The following FRMD8 variants were observed in gnomAD, a reference collection of about 807,000 sequenced individuals.
FRMD8 encodes the protein FERM domain-containing protein 8.
A neutral mutation model predicts 54.2 loss-of-function variants in FRMD8; 37 were observed. That is an observed-to-expected ratio of 0.68 (90% CI 0.53 to 0.90). FRMD8 has a LOEUF of 0.90. Among genes scored for constraint, FRMD8 ranks in the 40% least tolerant of loss-of-function variants. The pLI is 0.00. For synonymous variants in FRMD8, 246 were observed against 286.9 expected (o/e 0.86, Z 1.44); for missense variants, 585 against 653.7 (o/e 0.89, Z 1.15).
chr11:65,397,391 G>A (rs1383891599), intron 7 of FRMD8, among the ~76,000 whole-genome samples: 11 of 152,194 alleles, frequency 7.2e-5, no homozygotes, highest in Admixed American at 1.3e-4. Context: ...CAGAGACACC[G>A]TGCCCCTGCC....
Position 65,394,428 on chromosome 11 carries a change from G to T in FRMD8, c.581+3G>T. The stretch of plus-strand genomic sequence containing the variant: ...CGGCCGGCAGCCTGCGACCTGAGGT[G>T]AGGGCCTGTGTGACTTGAGGCGGGG... On this transcript the variant is annotated splice_donor_region_variant and intron_variant, in intron 6 of 10. Coordinates refer to ENST00000317568, the MANE Select transcript of FRMD8 (RefSeq NM_031904.5). 1 of 1,564,320 alleles carries T rather than the reference G, an allele frequency of 6.4e-7. No homozygotes were observed.
At chr11:65,376,817 C>G in the FRMD8 span, 1 of 1,614,236 alleles carries the variant, frequency 6.2e-7, no homozygotes, top group Non-Finnish European at 8.5e-7. Context: ...ACTTTACTTA[C>G]TGGGATTCTG....
chr11:65,383,762 A>ACAAACAAAC (rs1388963355), upstream of FRMD8: 13 of 105,500 alleles, frequency 1.2e-4, no homozygotes, highest in African/African-American at 3.6e-4. Flanking sequence ...CGTCTCAAAA[A>ACAAACAAAC]AAAAAAACAA....
chr11:65,406,040 A>G (rs981318718), intron 10 of FRMD8, among the ~76,000 whole-genome samples: 10 of 151,416 alleles, frequency 6.6e-5, no homozygotes, highest in African/African-American at 9.7e-5. Context: ...TTAGTTAACT[A>G]TTTTTGAGAC....
rs1048178638 is a variant in FRMD8 at position 65,404,442 on chromosome 11, C to T, written c.1072-422C>T. On this transcript the variant is annotated intron_variant, in intron 9 of 10. Transcript: ENST00000317568. The surrounding 1 kb of genome is among the most constrained non-coding windows in gnomAD (Gnocchi z 4.7). ...AACGTGCTGGCAGGGAGCCGCCCGC[C>T]CCTGCCCTGGTGACATCGCGCCCCT... 5.3e-5 allele frequency among the ~76,000 whole-genome samples: 8 copies of T among 152,054 alleles called. No homozygotes were observed. Among genetic ancestry groups the T allele is most frequent in the Admixed American group, 2.0e-4 (3 of 15,270 alleles).
the FRMD8 span, among the ~76,000 whole-genome samples, chr11:65,371,339 T>C: frequency 6.6e-6 from 1 of 152,180 alleles, no homozygotes; most frequent in African/African-American, 2.4e-5. Context: ...TCTTCAGCTG[T>C]GGTCATTGCT....
chr11:65,374,329 T>TAGCCATGTGCCCAGGTGGAGCAGGGG, the FRMD8 span, among the ~76,000 whole-genome samples: 1 of 145,654 alleles, frequency 6.9e-6, no homozygotes, highest in Non-Finnish European at 1.5e-5. Context: ...TGGAGCAGGG[T>TAGCCATGTGCCCAGGTGGAGCAGGGG]AGCCATGTGC....
intron 2 of FRMD8, among the ~76,000 whole-genome samples, chr11:65,388,632 A>C: frequency 6.6e-6 from 1 of 152,118 alleles, no homozygotes; most frequent in East Asian, 1.9e-4. Flanking sequence ...TTGCTCTTCC[A>C]GGTGTCTCCA....
rs552534604 is a variant in FRMD8 at position 65,408,597 on chromosome 11, C to T, written c.1277-2645C>T. Among the ~76,000 whole-genome samples, 177 of 151,850 alleles carry T rather than the reference C, an allele frequency of 1.2e-3. 1 individual carries two copies. The highest frequency in any genetic ancestry group is 2.1e-3 in the South Asian group (10 of 4,816). ...CTCAGGATACTTTCCTAGAAATGGC[C>T]TTGCTAATGTAAAAGTGTGCAGATT... On this transcript the variant is annotated intron_variant, in intron 10 of 10. Transcript: ENST00000317568.
chr11:65,409,358 A>T (rs944489169), intron 10 of FRMD8, among the ~76,000 whole-genome samples: 1 of 151,968 alleles, frequency 6.6e-6, no homozygotes, highest in African/African-American at 2.4e-5. Flanking sequence ...AAGTGCTAGG[A>T]TTACAGGAAT....
rs765779948 is a variant in FRMD8 at position 65,405,034 on chromosome 11, C to A, written c.1242C>A (p.Ile414=). The change falls in exon 10 of 11, where the codon ATC becomes ATA. Residue 414 remains isoleucine (I), a synonymous_variant. Coordinates refer to ENST00000317568, the MANE Select transcript of FRMD8 (RefSeq NM_031904.5). The stretch of plus-strand genomic sequence containing the variant: ...AGGGCAGTGTGGTGTCCAGCCGGAT[C>A]CAGCATCTCTCCACCATCGACTACG... The part of the protein sequence containing the change: ...RRQGSVVSSR[I]QHLSTIDYVE... The A allele has an allele frequency of 1.2e-6, 2 of 1,613,540 alleles. No homozygotes were observed. Among genetic ancestry groups the A allele is most frequent in the South Asian group, 2.2e-5 (2 of 91,092 alleles).
rs753004712 is a variant in FRMD8 at position 65,389,346 on chromosome 11, T to C, written c.86-15T>C. 3.1e-6 allele frequency: 5 copies of C among 1,608,268 alleles called. No individual in the cohort carries two copies. In the African/African-American group the frequency reaches 6.7e-5, roughly 21 times the overall value. On this transcript the variant is annotated splice_polypyrimidine_tract_variant and intron_variant, in intron 2 of 10. Coordinates refer to ENST00000317568, the MANE Select transcript of FRMD8 (RefSeq NM_031904.5). ...GGCAGAGGCCTCAGCTGAGCCTGCC[T>C]GGTCTCCATCACAGCGGCTGACGTG...
chr11:65,382,202 C>T (rs1358435415), upstream of FRMD8: 8 of 556,884 alleles, frequency 1.4e-5, no homozygotes, highest in East Asian at 2.1e-4. The surrounding 1 kb of genome is among the most constrained non-coding windows in gnomAD (Gnocchi z 4.4). Context: ...CACAGAGGCC[C>T]TGATCCCCGA....
Position 65,400,008 on chromosome 11 carries a change from C to A in FRMD8, c.927+149C>A. ...TGCCTCCGTTGGATGTCCTCGTAGC[C>A]CCTGAGGGTGATCCTGGGTCCTCTT... On this transcript the variant is annotated intron_variant, in intron 8 of 10. Transcript: ENST00000317568. The surrounding 1 kb of genome is among the most constrained non-coding windows in gnomAD (Gnocchi z 4.3). The A allele has an allele frequency of 1.1e-6, 1 of 935,214 alleles. No homozygotes were observed. The highest frequency in any genetic ancestry group is 1.6e-6 in the Non-Finnish European group (1 of 639,194). 57.9% of individuals were successfully genotyped at this position (935,214 alleles called of 1,614,324 possible).
chr11:65,386,145 G>A (rs993999602), upstream of FRMD8, among the ~76,000 whole-genome samples: 5 of 152,170 alleles, frequency 3.3e-5, no homozygotes, highest in South Asian at 1.0e-3. Context: ...TAGTCCTTGG[G>A]GGTCATTCAG....
the FRMD8 span, chr11:65,380,138 A>G: frequency 1.9e-6 from 3 of 1,613,976 alleles, no homozygotes; most frequent in Middle Eastern, 1.6e-4. Context: ...TCACCTTTAC[A>G]GTGTCAAACG....
intron 2 of FRMD8, among the ~76,000 whole-genome samples, chr11:65,388,164 C>CAA (rs1269933120): frequency 1.4e-4 from 13 of 93,754 alleles, no homozygotes; most frequent in Non-Finnish European, 2.3e-4. Flanking sequence ...AACTCCGTCT[C>CAA]AAAAAAAAAA....
Position 65,404,019 on chromosome 11 carries a change from C to A in FRMD8, c.1072-845C>A, listed in dbSNP as rs1429853516. ...GAGGGCAGGGAGCGTGGAGAGCCCA[C>A]CAGGCCTCTGCTCTTCCTTCTGGGC... On this transcript the variant is annotated intron_variant, in intron 9 of 10. Coordinates refer to ENST00000317568, the MANE Select transcript of FRMD8 (RefSeq NM_031904.5). This position sits in a 1 kb window ranked among gnomAD's most constrained non-coding sequence, Gnocchi z 4.7. Among the ~76,000 whole-genome samples the A allele has an allele frequency of 1.3e-5, 2 of 152,194 alleles. No homozygotes were observed. Among genetic ancestry groups the A allele is most frequent in the African/African-American group, 4.8e-5 (2 of 41,448 alleles).
At chr11:65,411,072 G>A (rs1590663701) in intron 10 of FRMD8, among the ~76,000 whole-genome samples, 170 bp from the exon 11 acceptor site, 1 of 152,180 alleles carries the variant, frequency 6.6e-6, no homozygotes, top group Non-Finnish European at 1.5e-5. Flanking sequence ...GCGCTGCTTG[G>A]GGTATACTGT....
Sources: gnomAD v4.1 joint callset for allele counts (sites outside exome capture counted in the v4.1 genomes callset) on GRCh38, gnomAD v4.1.1 for gene constraint, Gnocchi (gnomAD v3.1) non-coding constraint, MANE v1.5 for transcripts, NCBI Gene and HGNC (gene_info 2026-07-23, HGNC 2026-07-21) for gene names.